SYT1: variants seen among roughly 807,000 people sequenced by gnomAD.
SYT1 encodes the protein synaptotagmin-1.
SYT1 carries 8 observed loss-of-function variants against 44.8 expected under a neutral mutation model. The ratio of observed to expected loss-of-function variants is 0.18; its 90% confidence interval spans 0.10 to 0.32. The LOEUF (loss-of-function observed/expected upper bound fraction) is 0.32, where lower values mean the gene tolerates loss of function less well. Ranked by LOEUF, SYT1 falls within the 10% of genes least tolerant of loss-of-function variation. The pLI, the probability that SYT1 is intolerant of heterozygous loss-of-function variation, is 1.00. For synonymous variants in SYT1, 154 were observed against 188.8 expected, an observed-to-expected ratio of 0.82 and a Z score of 1.51; for missense variants, 286 against 509.3, an observed-to-expected ratio of 0.56 and a Z score of 4.22.
chr12:78,994,089 C>T (rs118015760), intron 2 of SYT1, among the ~76,000 whole-genome samples: 1,918 of 152,286 alleles, frequency 0.013, 13 homozygotes, highest in Non-Finnish European at 0.019. Context: ...TCCTCAACTT[C>T]GTACTGCTTT....
intron 8 of SYT1, among the ~76,000 whole-genome samples, chr12:79,338,277 T>C (rs1309356661): frequency 7.6e-6 from 1 of 131,930 alleles, no homozygotes; most frequent in Non-Finnish European, 1.5e-5. Flanking sequence ...TTCTTTTTCC[T>C]TTTTTTTTTT....
At chr12:79,253,779 T>C (rs892119405) in intron 4 of SYT1, among the ~76,000 whole-genome samples, 1 of 152,092 alleles carries the variant, frequency 6.6e-6, no homozygotes, top group African/African-American at 2.4e-5. Flanking sequence ...AAAGTGCTAC[T>C]CCACTGAACA....
At chr12:79,332,775 T>C (rs938288059) in intron 8 of SYT1, among the ~76,000 whole-genome samples, 1 of 152,218 alleles carries the variant, frequency 6.6e-6, no homozygotes, top group African/African-American at 2.4e-5. Context: ...GTCATTTAGC[T>C]AGTTATATGA....
chr12:78,905,989 A>G (rs569011887), intron 1 of SYT1, among the ~76,000 whole-genome samples: 1 of 152,094 alleles, frequency 6.6e-6, no homozygotes, highest in Non-Finnish European at 1.5e-5. Flanking sequence ...TTTGTAATTT[A>G]GAAGTAAGTC....
rs779707899 is a variant in SYT1, at chr12:79,299,550, A to T, written c.809A>T (p.Glu270Val). The T allele has an allele frequency of 6.2e-7, 1 of 1,611,250 alleles. No individual in the cohort carries two copies. Among genetic ancestry groups the T allele is most frequent in the Admixed American group, 1.7e-5 (1 of 59,442 alleles). Reference protein sequence around the residue: ...WRDLQSAEKEEQEKLGDICFS... With the variant: ...WRDLQSAEKEVQEKLGDICFS... ...GACCTGCAAAGTGCTGAGAAGGAAG[A>T]GGTAAGGGAATTACTAGCATTTCTA... The change falls in exon 8 of 11, where the codon GAG becomes GTG. Residue 270 changes from glutamate (E) to valine (V), a missense_variant and splice_region_variant. Physicochemically the swap from Glu to Val is moderately radical, Grantham distance 121 (BLOSUM62 -2). This residue lies in a region of SYT1 where 81 missense variants were observed against 164.9 expected (regional missense o/e 0.49). Transcript: ENST00000261205.
intron 3 of SYT1, among the ~76,000 whole-genome samples, chr12:79,054,726 T>A (rs935891777): frequency 6.6e-6 from 1 of 151,932 alleles, no homozygotes; most frequent in Non-Finnish European, 1.5e-5. Flanking sequence ...GTAGTTTATA[T>A]TTTTAGTAAT....
At chr12:78,906,440 G>A (rs1296572324) in intron 1 of SYT1, among the ~76,000 whole-genome samples, 1 of 152,052 alleles carries the variant, frequency 6.6e-6, no homozygotes, top group South Asian at 2.1e-4. Flanking sequence ...CCTTCATTTA[G>A]TTTATGGGAT....
intron 1 of SYT1, among the ~76,000 whole-genome samples, chr12:78,876,234 C>T (rs1464644885): frequency 1.3e-5 from 2 of 151,442 alleles, no homozygotes; most frequent in African/African-American, 4.8e-5. Context: ...AGTCTCATAT[C>T]CTGGTTTCAA....
At chr12:78,969,223 A>G (rs1868319200) in intron 1 of SYT1, among the ~76,000 whole-genome samples, 1 of 152,218 alleles carries the variant, frequency 6.6e-6, no homozygotes, top group Admixed American at 6.5e-5. Flanking sequence ...TTCAAATACT[A>G]CAACATTTTA....
intron 6 of SYT1, among the ~76,000 whole-genome samples, chr12:79,295,817 G>T (rs1592939801): frequency 6.6e-6 from 1 of 152,252 alleles, no homozygotes. Flanking sequence ...ACTGCAATCA[G>T]CAACCTTTTA....
chr12:79,042,106 C>T lies in SYT1; in HGVS notation c.-83-5191C>T, dbSNP rs1416579394. ...ATTCTCTTTTTTGGTTGTGTCTCTG[C>T]CCAGCTTTGGTATCAGAATGATGCT... On this transcript the variant is annotated intron_variant, in intron 2 of 10. Coordinates refer to ENST00000261205, the MANE Select transcript of SYT1 (RefSeq NM_005639.3). Among the ~76,000 whole-genome samples, 8 of 150,586 alleles carry T rather than the reference C, an allele frequency of 5.3e-5. No individual in the cohort carries two copies. The East Asian group carries it at 1.6e-3, about 30-fold the overall frequency.
intron 2 of SYT1, among the ~76,000 whole-genome samples, chr12:78,988,129 AT>A (rs962504713): frequency 8.1e-4 from 121 of 149,992 alleles, no homozygotes; most frequent in African/African-American, 2.1e-3. Flanking sequence ...CACTGAACAA[AT>A]TTTTTTTTTC....
chr12:78,981,354 T>C (rs1359052959), intron 2 of SYT1, among the ~76,000 whole-genome samples: 1 of 152,140 alleles, frequency 6.6e-6, no homozygotes, highest in Non-Finnish European at 1.5e-5. Context: ...CAAAAACTCC[T>C]GACCTCAGGT....
At chr12:78,909,967 C>T (rs1242250220) in intron 1 of SYT1, among the ~76,000 whole-genome samples, 1 of 151,864 alleles carries the variant, frequency 6.6e-6, no homozygotes, top group Non-Finnish European at 1.5e-5. Context: ...GTACCATCTC[C>T]AATATTGTTT....
intron 1 of SYT1, among the ~76,000 whole-genome samples, chr12:78,894,836 A>G (rs1364362755): frequency 6.6e-6 from 1 of 150,730 alleles, no homozygotes; most frequent in Non-Finnish European, 1.5e-5. Flanking sequence ...AGTTTAAGAG[A>G]CCTATTGTAC....
intron 3 of SYT1, among the ~76,000 whole-genome samples, chr12:79,064,980 G>T (rs370947698): frequency 7.1e-6 from 1 of 141,240 alleles, no homozygotes; most frequent in African/African-American, 2.6e-5. Context: ...AAGAAAGAAA[G>T]AAAGAAAGAA....
At chr12:78,938,580 C>G (rs1878189076) in intron 1 of SYT1, among the ~76,000 whole-genome samples, 1 of 152,184 alleles carries the variant, frequency 6.6e-6, no homozygotes, top group African/African-American at 2.4e-5. Context: ...GACACACAAA[C>G]TCACACACAT....
intron 2 of SYT1, among the ~76,000 whole-genome samples, chr12:79,031,985 A>G (rs1023896282): frequency 6.6e-6 from 1 of 151,164 alleles, no homozygotes; most frequent in Non-Finnish European, 1.5e-5. Flanking sequence ...AAATTATTTT[A>G]TGTCCTACAT....
At chr12:78,916,565 G>T (rs188319685) in intron 1 of SYT1, among the ~76,000 whole-genome samples, 18 of 151,506 alleles carry the variant, frequency 1.2e-4, no homozygotes, top group Non-Finnish European at 2.4e-4. Flanking sequence ...TGATCTGTTC[G>T]CTTGAACCAT....
Sources: gnomAD v4.1 joint callset for allele counts (sites outside exome capture counted in the v4.1 genomes callset) on GRCh38, gnomAD v4.1.1 for gene constraint, gnomAD v4.1.1 regional missense constraint, MANE v1.5 for transcripts, NCBI Gene and HGNC (gene_info 2026-07-23, HGNC 2026-07-21) for gene names.